CAB39L: variants seen among roughly 807,000 people sequenced by gnomAD.
CAB39L encodes calcium-binding protein 39-like.
Under a neutral mutation model 39.1 loss-of-function variants are expected in CAB39L, and 23 were observed. That is an observed-to-expected ratio of 0.59 (90% confidence interval 0.42 to 0.83). The LOEUF is 0.83. Ranked by LOEUF, CAB39L falls within the 40% of genes least tolerant of loss-of-function variation. The pLI is 0.00. For missense variants in CAB39L, 366 were observed against 391.9 expected (o/e 0.93, Z 0.56); for synonymous variants, 126 against 137.2 (o/e 0.92, Z 0.57).
chr13:49,337,111 T>C (rs1954871013), intron 9 of CAB39L, among the ~76,000 whole-genome samples: 1 of 152,134 alleles, frequency 6.6e-6, no homozygotes, highest in Admixed American at 6.5e-5. Context: ...GTGGGCAAAG[T>C]AAATTGACAA....
intron 6 of CAB39L, among the ~76,000 whole-genome samples, chr13:49,353,541 T>C (rs765634825): frequency 6.6e-6 from 1 of 152,082 alleles, no homozygotes; most frequent in Non-Finnish European, 1.5e-5. Flanking sequence ...AATGCCCTTC[T>C]TACATTCCCA....
At chr13:49,381,074 C>T (rs1385958920) in intron 4 of CAB39L, among the ~76,000 whole-genome samples, 1 of 152,042 alleles carries the variant, frequency 6.6e-6, no homozygotes, top group Non-Finnish European at 1.5e-5. Flanking sequence ...ATTACAGGCA[C>T]CCACCACCGT....
intron 3 of CAB39L, among the ~76,000 whole-genome samples, chr13:49,419,395 T>C (rs1267136868): frequency 6.6e-6 from 1 of 152,168 alleles, no homozygotes; most frequent in Non-Finnish European, 1.5e-5. Flanking sequence ...CTGAGCAACA[T>C]GGCAAAACCC....
chr13:49,434,405 A>T (rs1330806775), intron 1 of CAB39L, among the ~76,000 whole-genome samples, 182 bp from the exon 2 acceptor site: 1 of 152,250 alleles, frequency 6.6e-6, no homozygotes, highest in Non-Finnish European at 1.5e-5. Flanking sequence ...GCATATATAT[A>T]TAGTGTCAGC....
At chr13:49,431,708 A>C (rs1474979372) in intron 3 of CAB39L, among the ~76,000 whole-genome samples, 1 of 151,876 alleles carries the variant, frequency 6.6e-6, no homozygotes, top group African/African-American at 2.4e-5. Flanking sequence ...CTCTGTCTTA[A>C]AAAAAAATAA....
intron 4 of CAB39L, among the ~76,000 whole-genome samples, chr13:49,380,687 TA>T (rs1202126079): frequency 1.4e-4 from 22 of 152,204 alleles, no homozygotes; most frequent in Admixed American, 6.5e-4. Flanking sequence ...TAAAAATCTT[TA>T]AAATTAATAT....
Position 49,424,048 on chromosome 13 carries a change from C to T in CAB39L, c.-32+9270G>A, listed in dbSNP as rs1458998260. On this transcript the variant is annotated intron_variant, in intron 3 of 10. Transcript: ENST00000409308. ...CATAAGCTATTGAATAATAAATAAA[C>T]GGGAGAGAAGAGACAATCTCCTGTG... Among the ~76,000 whole-genome samples the T allele has an allele frequency of 5.9e-5, 9 of 152,228 alleles. No homozygotes were observed. In the East Asian group the frequency reaches 1.5e-3, roughly 26 times the overall value.
At chr13:49,443,609 G>C (rs900160663) in intron 1 of CAB39L, among the ~76,000 whole-genome samples, 1 of 152,060 alleles carries the variant, frequency 6.6e-6, no homozygotes, top group African/African-American at 2.4e-5. Context: ...TTTGTCAAAG[G>C]GGGTTGATGG....
chr13:49,390,626 T>C (rs947821379), intron 3 of CAB39L, among the ~76,000 whole-genome samples: 2 of 152,162 alleles, frequency 1.3e-5, no homozygotes, highest in East Asian at 3.8e-4. Context: ...AAAGATATAC[T>C]ATGCTATCAC....
Position 49,309,195 on chromosome 13 carries a change from C to T in CAB39L, c.*1619G>A, listed in dbSNP as rs889729523. The T allele has an allele frequency of 5.3e-5, 8 of 152,202 alleles. No individual in the cohort carries two copies. The highest frequency in any genetic ancestry group is 1.9e-4 in the African/African-American group (8 of 41,448). 9.4% of individuals were successfully genotyped at this position (152,202 alleles called of 1,614,324 possible). The stretch of plus-strand genomic sequence containing the variant: ...TAAAGAGTACGGGTCATCAGGCTGC[C>T]GGCCGGCCTCCTGCAAGGGCACTGG... On this transcript the variant is annotated 3_prime_UTR_variant, in exon 11 of 11. Transcript: ENST00000409308.
chr13:49,391,967 ACAC>A (rs1245045876), intron 3 of CAB39L, among the ~76,000 whole-genome samples: 1 of 152,002 alleles, frequency 6.6e-6, no homozygotes, highest in Non-Finnish European at 1.5e-5. Flanking sequence ...ACACACACAC[ACAC>A]ATTTCTGCTC....
intron 3 of CAB39L, among the ~76,000 whole-genome samples, chr13:49,427,149 A>G (rs970376312): frequency 6.6e-6 from 1 of 152,152 alleles, no homozygotes; most frequent in Admixed American, 6.5e-5. Context: ...TCTAGTTTCT[A>G]CATTACTACA....
chr13:49,384,913 T>C (rs1386495713), intron 3 of CAB39L, among the ~76,000 whole-genome samples: 14 of 152,334 alleles, frequency 9.2e-5, no homozygotes, highest in African/African-American at 3.4e-4. Flanking sequence ...GCCAAATAGA[T>C]TTAGCATAAT....
chr13:49,309,394 A>G lies in CAB39L; in HGVS notation c.*1420T>C, dbSNP rs1310534314. 2 of 152,212 alleles carry G rather than the reference A, an allele frequency of 1.3e-5. No homozygotes were observed. The highest frequency in any genetic ancestry group is 1.9e-4 in the East Asian group (1 of 5,198). 9.4% of individuals were successfully genotyped at this position (152,212 alleles called of 1,614,324 possible). A position where few individuals can be genotyped will look rare whatever the true frequency, so the allele number is the denominator to read the frequency against. On this transcript the variant is annotated 3_prime_UTR_variant, in exon 11 of 11. Transcript: ENST00000409308. ...AAAGGGGATCAGTCCTGGAGAACAC[A>G]TTTCTCTTCCCCTCTCTAGGCAGAG...
rs1953958145 is a variant in CAB39L at position 49,310,757 on chromosome 13, A to T, written c.*57T>A. On this transcript the variant is annotated 3_prime_UTR_variant, in exon 11 of 11. Transcript: ENST00000409308. Reference sequence around the variant, plus strand: ...AAGAATGATGACTTTCTGAAATGACACACTGTACAAACTGGACAAATGAGA... The same window carrying T: ...AAGAATGATGACTTTCTGAAATGACTCACTGTACAAACTGGACAAATGAGA... 1 of 1,537,306 alleles carries T rather than the reference A, an allele frequency of 6.5e-7. No homozygotes were observed. The highest frequency in any genetic ancestry group is 1.4e-5 in the African/African-American group (1 of 72,334).
chr13:49,375,675 T>G (rs147917442), intron 5 of CAB39L, among the ~76,000 whole-genome samples: 1 of 151,428 alleles, frequency 6.6e-6, no homozygotes, highest in South Asian at 2.1e-4. Flanking sequence ...AGGGATAGCA[T>G]AAGGAGATAT....
intron 10 of CAB39L, among the ~76,000 whole-genome samples, chr13:49,314,809 A>G (rs1954108451): frequency 6.6e-6 from 1 of 152,216 alleles, no homozygotes; most frequent in African/African-American, 2.4e-5. Flanking sequence ...TGATAACAGT[A>G]CCTGAGTGCC....
chr13:49,336,196 C>T (rs1317649673), intron 9 of CAB39L, among the ~76,000 whole-genome samples: 1 of 150,920 alleles, frequency 6.6e-6, no homozygotes, highest in African/African-American at 2.4e-5. Flanking sequence ...ATTTCACAGT[C>T]GTCTACCTTT....
chr13:49,328,420 T>C lies in CAB39L; in HGVS notation c.834+3527A>G, dbSNP rs147743257. On this transcript the variant is annotated intron_variant, in intron 10 of 10. Coordinates refer to ENST00000409308, the MANE Select transcript of CAB39L (RefSeq NM_001079670.3). ...CCAACTTGTATCTTTTACCAATTTT[T>C]CTGTTATTTGTCTTTTTCTTAAAGA... Among the ~76,000 whole-genome samples the C allele has an allele frequency of 1.8e-4, 28 of 152,354 alleles. No individual in the cohort carries two copies. In the East Asian group the frequency reaches 1.9e-3, roughly 10 times the overall value.
Sources: allele counts gnomAD v4.1 joint callset (sites outside exome capture counted in the v4.1 genomes callset), GRCh38; gene constraint gnomAD v4.1.1; transcripts MANE v1.5; gene names NCBI Gene and HGNC (gene_info 2026-07-23, HGNC 2026-07-21).